TBCD: variants seen among roughly 807,000 people sequenced by gnomAD.
TBCD encodes tubulin-specific chaperone D.
In TBCD, 105 loss-of-function variants were observed where a neutral mutation model predicts 169.3. The ratio of observed to expected loss-of-function variants is 0.62; its 90% CI spans 0.53 to 0.73. The LOEUF (loss-of-function observed/expected upper bound fraction) is 0.73. TBCD is among the 30% of genes least tolerant of loss of function. The probability of loss-of-function intolerance (pLI) is 0.00; values close to 1 mark genes in which losing one functional copy is unlikely to be tolerated. For missense variants in TBCD, 1,444 were observed against 1,600.1 expected (o/e 0.90, Z 1.66); for synonymous variants, 700 against 643.9 (o/e 1.09, Z -1.32).
In TBCD at chr17:82,830,365, C is replaced by T. The variant is rs199655845; in HGVS notation, c.1318+15431C>T. 73 of 1,613,254 alleles carry T rather than the reference C, an allele frequency of 4.5e-5. No homozygotes were observed. The highest frequency in any genetic ancestry group is 5.7e-5 in the Non-Finnish European group (67 of 1,180,036). ...GGCCGCAGCATCCCCATCGCCCACC[C>T]GGATGTTCCTGGGGCTGTAGGCCGC... On this transcript the variant is annotated intron_variant, in intron 13 of 38. Transcript: ENST00000355528.
chr17:82,846,313 G>GTCCGGCATGCCACGTCCCCTCA (rs2055088606), intron 13 of TBCD, among the ~76,000 whole-genome samples: 2 of 147,832 alleles, frequency 1.4e-5, no homozygotes, highest in South Asian at 2.1e-4. Context: ...CACGTGCTGC[G>GTCCGGCATGCCACGTCCCCTCA]TCCAGCGTGC....
In TBCD at chr17:82,814,923, G is replaced by A. The variant is rs368259507; in HGVS notation, c.1307G>A (p.Arg436Gln). 5.6e-6 allele frequency: 9 copies of A among 1,611,898 alleles called. No homozygotes were observed. Among genetic ancestry groups the A allele is most frequent in the East Asian group, 2.2e-5 (1 of 44,800 alleles). Residue 436 changes from arginine (R) to glutamine (Q), a missense_variant, in exon 13 of 39, where the codon CGA becomes CAA. Physicochemically the swap from Arg to Gln is conservative, Grantham distance 43. Transcript: ENST00000355528. ...LGRRGLLLPS[R>Q]LVDVVAVILK... ...AGGAGAGGCCTGTTGCTGCCGTCTC[G>A]ACTCGTGGATGGTGAGTAGCTGAGG...
At chr17:82,856,809 C>G (rs1007928552) in intron 13 of TBCD, among the ~76,000 whole-genome samples, 10 of 138,904 alleles carry the variant, frequency 7.2e-5, no homozygotes, top group Middle Eastern at 3.6e-3. Context: ...GCATCCAGGG[C>G]GGGATCGCTG....
intron 9 of TBCD, among the ~76,000 whole-genome samples, chr17:82,801,944 G>A (rs1225503631): frequency 2.0e-5 from 3 of 150,930 alleles, no homozygotes; most frequent in South Asian, 4.2e-4. Flanking sequence ...CGGAGTCAGC[G>A]TGGCAGCAGG....
Position 82,930,746 on chromosome 17 carries a change from A to C in TBCD, c.3113+103A>C. 6.5e-7 allele frequency: 1 copy of C among 1,543,470 alleles called. No individual in the cohort carries two copies. Among genetic ancestry groups the C allele is most frequent in the South Asian group, 1.2e-5 (1 of 83,808 alleles). ...TCTCGCAGGGTCTGTCTGGGGTCTG[A>C]AGGGAGAAGCGAGACACACGCTGTA... On this transcript the variant is annotated intron_variant, in intron 33 of 38. Transcript: ENST00000355528. This position sits in a 1 kb window ranked among gnomAD's most constrained non-coding sequence, Gnocchi z 5.2.
chr17:82,870,412 G>T, intron 14 of TBCD, 32 bp downstream of exon 14: 1 of 1,601,328 alleles, frequency 6.2e-7, no homozygotes, highest in Non-Finnish European at 8.5e-7. Context: ...CATCGGATGC[G>T]CCGTGCCCCC....
At chr17:82,807,708 C>T (rs1476374082) in intron 11 of TBCD, 40 bp downstream of exon 11, 2 of 1,398,966 alleles carry the variant, frequency 1.4e-6, no homozygotes, top group Admixed American at 3.0e-5. Context: ...GGGGGGTGGG[C>T]CGGCCTCTCC....
intron 13 of TBCD, among the ~76,000 whole-genome samples, chr17:82,859,114 C>A (rs1306700195): frequency 6.6e-6 from 1 of 151,650 alleles, no homozygotes; most frequent in Non-Finnish European, 1.5e-5. Flanking sequence ...GGTCATCCGG[C>A]CTGCCGGCTC....
chr17:82,939,688 G>C (rs931400949), intron 37 of TBCD, among the ~76,000 whole-genome samples: 3 of 152,104 alleles, frequency 2.0e-5, no homozygotes, highest in African/African-American at 7.2e-5. Flanking sequence ...ACAGTGTCAG[G>C]TGTCAGGAAC....
At chr17:82,886,657 TCC>T (rs2058726985) in intron 15 of TBCD, among the ~76,000 whole-genome samples, 2 of 2,304 alleles carry the variant, frequency 8.7e-4, no homozygotes, top group Non-Finnish European at 2.5e-3. Context: ...TCCCCTCCCC[TCC>T]CCTCCCCTCC....
chr17:82,779,649 T>C (rs1349760797), intron 6 of TBCD, among the ~76,000 whole-genome samples: 3 of 152,178 alleles, frequency 2.0e-5, no homozygotes, highest in Admixed American at 6.5e-5. Context: ...TTAAGTGCCC[T>C]GAGAGGGCTT....
At chr17:82,911,816 CTGCAGCCCTT>C in intron 23 of TBCD, 27 bp downstream of exon 23, 1 of 1,613,350 alleles carries the variant, frequency 6.2e-7, no homozygotes, top group Non-Finnish European at 8.5e-7. Context: ...TTGCAGCCCT[CTGCAGCCCTT>C]TGCCGCAGCC....
chr17:82,906,643 C>T (rs1480878369), intron 20 of TBCD, among the ~76,000 whole-genome samples: 1 of 152,230 alleles, frequency 6.6e-6, no homozygotes, highest in Non-Finnish European at 1.5e-5. Flanking sequence ...CCCGGACTTA[C>T]CATAGTGACG....
chr17:82,795,268 C>T (rs900939571), intron 7 of TBCD, among the ~76,000 whole-genome samples: 1 of 152,096 alleles, frequency 6.6e-6, no homozygotes, highest in East Asian at 1.9e-4. Context: ...GACACGTCAG[C>T]CTGTTGCCGA....
At chr17:82,908,138 AG>A (rs2060373610) in intron 21 of TBCD, 2 of 405,788 alleles carry the variant, frequency 4.9e-6, no homozygotes, top group Non-Finnish European at 9.3e-6. Context: ...CAGTCGGTGG[AG>A]GTTTCGGCTG....
intron 13 of TBCD, among the ~76,000 whole-genome samples, chr17:82,853,844 T>C (rs981591015): frequency 1.3e-5 from 2 of 152,272 alleles, no homozygotes; most frequent in African/African-American, 2.4e-5. Flanking sequence ...CCATTTACTT[T>C]ACTGACATGT....
At chr17:82,795,071 C>G (rs767133523) in intron 7 of TBCD, among the ~76,000 whole-genome samples, 1 of 152,180 alleles carries the variant, frequency 6.6e-6, no homozygotes, top group Non-Finnish European at 1.5e-5. Flanking sequence ...CTTGCTTTCC[C>G]GAGAACTCAT....
At chr17:82,928,223 G>T (rs1054411969) in intron 30 of TBCD, among the ~76,000 whole-genome samples, 1 of 152,182 alleles carries the variant, frequency 6.6e-6, no homozygotes, top group African/African-American at 2.4e-5. Flanking sequence ...CCAGGACGAG[G>T]CTCTGCTCCC....
At chr17:82,830,929 G>T (rs1319831754) in intron 13 of TBCD, 1 of 1,613,220 alleles carries the variant, frequency 6.2e-7, no homozygotes, top group Non-Finnish European at 8.5e-7. Flanking sequence ...AAAAGCAACT[G>T]CGTGAAGCAG....
Sources: gnomAD v4.1 joint callset for allele counts (sites outside exome capture counted in the v4.1 genomes callset) on GRCh38, gnomAD v4.1.1 for gene constraint, Gnocchi (gnomAD v3.1) non-coding constraint, MANE v1.5 for transcripts, NCBI Gene and HGNC (gene_info 2026-07-23, HGNC 2026-07-21) for gene names.